DIP2A: variants seen among roughly 807,000 people sequenced by gnomAD.
The protein encoded by DIP2A is DIP2 acetate--CoA ligase A, also known as disco-interacting protein 2 homolog A.
Under a neutral mutation model 177.4 loss-of-function variants are expected in DIP2A, and 85 were observed. The observed-to-expected ratio is 0.48, with a 90% confidence interval of 0.40 to 0.57. The LOEUF (loss-of-function observed/expected upper bound fraction) is 0.57, where lower values mean the gene tolerates loss of function less well. Ranked by LOEUF, DIP2A falls within the 20% of genes least tolerant of loss-of-function variation. The pLI is 0.00. For synonymous variants in DIP2A, 886 were observed against 881.8 expected (o/e 1.00, Z -0.08); for missense variants, 1,791 against 2,100.2 (o/e 0.85, Z 2.88).
At chr21:46,543,485 C>A (rs1268726581) in intron 18 of DIP2A, among the ~76,000 whole-genome samples, 1 of 151,286 alleles carries the variant, frequency 6.6e-6, no homozygotes, top group South Asian at 2.1e-4. Context: ...AGCGCACCCC[C>A]CTCCCCCAGG....
chr21:46,493,504 A>G (rs940995845), intron 3 of DIP2A, among the ~76,000 whole-genome samples: 3 of 152,078 alleles, frequency 2.0e-5, no homozygotes, highest in African/African-American at 4.8e-5. Context: ...TAATATTTTT[A>G]TTAAATATTC....
Position 46,537,440 on chromosome 21 carries a change from C to T in DIP2A, c.1708-6C>T. The stretch of plus-strand genomic sequence containing the variant: ...ACTCGCCCTAAGCATGTGTGCTCCC[C>T]CACAGAGCGTCATGAACAGGATGCA... On this transcript the variant is annotated splice_polypyrimidine_tract_variant and splice_region_variant and intron_variant, in intron 14 of 37. Transcript: ENST00000417564. This position sits in a 1 kb window ranked among gnomAD's most constrained non-coding sequence, Gnocchi z 4.1. The T allele has an allele frequency of 6.2e-7, 1 of 1,614,096 alleles. No homozygotes were observed. The highest frequency in any genetic ancestry group is 1.1e-5 in the South Asian group (1 of 91,076).
chr21:46,520,031 C>T (rs1036760377), intron 8 of DIP2A, among the ~76,000 whole-genome samples: 6 of 151,864 alleles, frequency 4.0e-5, no homozygotes, highest in South Asian at 4.2e-4. Context: ...CCCGCCACCA[C>T]GCCCGGCTAA....
intron 2 of DIP2A, among the ~76,000 whole-genome samples, chr21:46,487,977 A>T (rs2056791215): frequency 6.6e-6 from 1 of 152,222 alleles, no homozygotes; most frequent in South Asian, 2.1e-4. Context: ...TAGAAGAGGC[A>T]AAGTTCTGAG....
At chr21:46,511,788 G>A (rs1335024831) in intron 8 of DIP2A, among the ~76,000 whole-genome samples, 174 bp downstream of exon 8, 1 of 152,168 alleles carries the variant, frequency 6.6e-6, no homozygotes, top group Admixed American at 6.5e-5. Flanking sequence ...ACCACTCACT[G>A]ATGCATGGTG....
intron 13 of DIP2A, 148 bp downstream of exon 13, chr21:46,534,835 T>C: frequency 1.5e-6 from 1 of 674,494 alleles, no homozygotes; most frequent in South Asian, 1.9e-5. Context: ...GGTAGGGAGA[T>C]GCACTGTCTT....
chr21:46,548,521 A>G (rs1235745727), intron 21 of DIP2A, among the ~76,000 whole-genome samples: 1 of 152,238 alleles, frequency 6.6e-6, no homozygotes, highest in South Asian at 2.1e-4. Context: ...AAGATTTGCA[A>G]CATGAACTAA....
rs762253 is a variant in DIP2A, at chr21:46,563,744, G to A, written c.4090-114G>A. On this transcript the variant is annotated intron_variant, in intron 34 of 37. Transcript: ENST00000417564. The surrounding 1 kb of genome is among the most constrained non-coding windows in gnomAD (Gnocchi z 4.3). ...GCCTCTAAACTTCCTGACCTGACAT[G>A]AGCACATCAGTCCTGCAGGCCAGCT... 1,295,544 of 1,471,180 alleles carry A rather than the reference G, an allele frequency of 0.88. 571,042 individuals carry two copies. The highest frequency in any genetic ancestry group is 0.96 in the African/African-American group (67,891 of 70,614). The allele number at this position is 1,471,180 out of a possible 1,614,324, so 91.1% of individuals were successfully genotyped here. A position where few individuals can be genotyped will look rare whatever the true frequency, so the allele number is the denominator to read the frequency against.
At chr21:46,577,508 G>A in the DIP2A span, among the ~76,000 whole-genome samples, 54 of 152,274 alleles carry the variant, frequency 3.5e-4, no homozygotes, top group East Asian at 9.4e-3. Context: ...TTTTGTACCA[G>A]TACCATGCTG....
intron 7 of DIP2A, among the ~76,000 whole-genome samples, chr21:46,510,121 T>G (rs1294585771): frequency 6.6e-6 from 1 of 152,214 alleles, no homozygotes; most frequent in East Asian, 1.9e-4. Flanking sequence ...GGTCCCACAG[T>G]AAGCCATCTG....
intron 7 of DIP2A, 34 bp from the exon 8 acceptor site, chr21:46,511,383 A>G (rs1331266841): frequency 6.4e-7 from 1 of 1,566,964 alleles, no homozygotes; most frequent in Non-Finnish European, 8.7e-7. Flanking sequence ...GGTGCTCTGA[A>G]TTGCTGATTT....
At chr21:46,583,723 G>A in the DIP2A span, among the ~76,000 whole-genome samples, 1 of 152,146 alleles carries the variant, frequency 6.6e-6, no homozygotes, top group African/African-American at 2.4e-5. Flanking sequence ...TTATAAAAGG[G>A]CAGGTCTGGC....
In DIP2A at chr21:46,554,404, C is replaced by G. The variant is rs778586121; in HGVS notation, c.3154+112C>G. The G allele has an allele frequency of 1.9e-6, 3 of 1,555,668 alleles. No individual in the cohort carries two copies. The South Asian group carries it at 3.6e-5, about 19-fold the overall frequency. On this transcript the variant is annotated intron_variant, in intron 26 of 37. Coordinates refer to ENST00000417564, the MANE Select transcript of DIP2A (RefSeq NM_015151.4). ...GCATCTTCCAAAACTAAGCTCAGCC[C>G]CTCCTCTCTGCATGTGTCTGCCTCC...
intron 1 of DIP2A, among the ~76,000 whole-genome samples, chr21:46,477,002 C>A (rs754825809): frequency 6.6e-6 from 1 of 152,062 alleles, no homozygotes; most frequent in African/African-American, 2.4e-5. Flanking sequence ...CCTGCTAGGC[C>A]GTGGATATGT....
chr21:46,538,731 C>A, intron 16 of DIP2A, 129 bp downstream of exon 16: 4 of 1,315,966 alleles, frequency 3.0e-6, no homozygotes, highest in Non-Finnish European at 4.1e-6. Flanking sequence ...CATGTCCCAT[C>A]GTTTCTATGA....
chr21:46,554,739 G>T, intron 27 of DIP2A, 43 bp downstream of exon 27: 2 of 1,548,500 alleles, frequency 1.3e-6, no homozygotes, highest in Non-Finnish European at 1.7e-6. Context: ...TGAGTGGGAG[G>T]CTGCAAGGCT....
chr21:46,558,546 C>T lies in DIP2A; in HGVS notation c.3969+153C>T, dbSNP rs2060554900. The T allele has an allele frequency of 4.4e-5, 33 of 757,736 alleles. No individual in the cohort carries two copies. In the South Asian group the frequency reaches 5.5e-4, roughly 13 times the overall value. The allele number at this position is 757,736 out of a possible 1,614,324, so 46.9% of individuals were successfully genotyped here. A position where few individuals can be genotyped will look rare whatever the true frequency, so the allele number is the denominator to read the frequency against. On this transcript the variant is annotated intron_variant, in intron 32 of 37. Coordinates refer to ENST00000417564, the MANE Select transcript of DIP2A (RefSeq NM_015151.4). ...TCATTTCCATGTAACATTTTAGCTT[C>T]AAGGGTTTTATTTTTAAAGATGTTC...
intron 9 of DIP2A, among the ~76,000 whole-genome samples, chr21:46,529,540 G>A (rs2059265697): frequency 6.6e-6 from 1 of 151,640 alleles, no homozygotes; most frequent in Non-Finnish European, 1.5e-5. Flanking sequence ...GGTGGAGGTT[G>A]TAGTGAGCCA....
chr21:46,495,325 A>G (rs546847284), intron 3 of DIP2A, among the ~76,000 whole-genome samples: 104 of 143,498 alleles, frequency 7.2e-4, no homozygotes, highest in African/African-American at 2.5e-3. Flanking sequence ...CTGGAGTGCA[A>G]TGGCGTGATC....
Sources: gnomAD v4.1 joint callset for allele counts (sites outside exome capture counted in the v4.1 genomes callset) on GRCh38, gnomAD v4.1.1 for gene constraint, Gnocchi (gnomAD v3.1) non-coding constraint, MANE v1.5 for transcripts, NCBI Gene and HGNC (gene_info 2026-07-23, HGNC 2026-07-21) for gene names.